Variants in ZNF680 observed in about 807,000 individuals in gnomAD.
The protein encoded by ZNF680 is zinc finger protein 680.
In ZNF680, 6 loss-of-function variants were observed where a neutral mutation model predicts 12.1. The observed-to-expected ratio is 0.49, with a 90% CI of 0.27 to 0.98. The LOEUF (loss-of-function observed/expected upper bound fraction) is 0.98, where lower values mean the gene tolerates loss of function less well. ZNF680 is among the 50% of genes least tolerant of loss of function. The pLI, the probability that ZNF680 is intolerant of heterozygous loss-of-function variation, is 0.12. For missense variants in ZNF680, 561 were observed against 616.3 expected, an observed-to-expected ratio of 0.91 and a Z score of 0.95; for synonymous variants, 170 against 199.3, an observed-to-expected ratio of 0.85 and a Z score of 1.24.
Position 64,519,917 on chromosome 7 carries a change from TATAC to T in ZNF680, c.*1240_*1243del, listed in dbSNP as rs1383809603. On this transcript the variant is annotated 3_prime_UTR_variant, in exon 4 of 4. Coordinates refer to ENST00000309683, the MANE Select transcript of ZNF680 (RefSeq NM_178558.5). ...AAATGTTTAATTATAAAATTAAGCT[TATAC>T]ATAATCTAAAAATTTTCAAATGTAC... 2.6e-5 allele frequency: 4 copies of T among 151,862 alleles called. No homozygotes were observed. The highest frequency in any genetic ancestry group is 5.9e-5 in the Non-Finnish European group (4 of 67,764). The allele number at this position is 151,862 out of a possible 1,614,324, so 9.4% of individuals were successfully genotyped here.
At chr7:64,531,489 CG>C (rs976359040) in intron 3 of ZNF680, among the ~76,000 whole-genome samples, 4 of 148,268 alleles carry the variant, frequency 2.7e-5, no homozygotes, top group Admixed American at 6.9e-5. Flanking sequence ...CCCAGCTACT[CG>C]GGTGGTTGAG....
At chr7:64,536,411 A>G (rs112846858) in intron 3 of ZNF680, among the ~76,000 whole-genome samples, 3,903 of 152,314 alleles carry the variant, frequency 0.026, 102 homozygotes, top group African/African-American at 0.056. Context: ...GGCAAAGAGT[A>G]ACTGGACATA....
At chr7:64,500,816 T>C in the ZNF680 span, 1 of 386,348 alleles carries the variant, frequency 2.6e-6, no homozygotes, top group Non-Finnish European at 5.2e-6. Context: ...GGGAACCTTA[T>C]CAAACACAAT....
chr7:64,509,021 CATGTAAATA>C, the ZNF680 span, among the ~76,000 whole-genome samples: 1 of 152,134 alleles, frequency 6.6e-6, no homozygotes, highest in Non-Finnish European at 1.5e-5. Flanking sequence ...AAGGTCACCT[CATGTAAATA>C]CCCTCCCCCT....
At chr7:64,531,813 A>G (rs1001936494) in intron 3 of ZNF680, among the ~76,000 whole-genome samples, 1 of 152,170 alleles carries the variant, frequency 6.6e-6, no homozygotes, top group Non-Finnish European at 1.5e-5. Context: ...GAAAGTTCAT[A>G]GCCCTAAATG....
intron 3 of ZNF680, among the ~76,000 whole-genome samples, chr7:64,542,221 G>C (rs576123130): frequency 6.9e-6 from 1 of 145,618 alleles, no homozygotes; most frequent in Middle Eastern, 3.5e-3. Flanking sequence ...CCATCACCCT[G>C]AGAACCCAAC....
chr7:64,526,414 G>A, intron 3 of ZNF680: 3 of 1,488,232 alleles, frequency 2.0e-6, no homozygotes, highest in Non-Finnish European at 1.8e-6. Flanking sequence ...TAGTAGCCTG[G>A]CAAAGTGGAT....
At chr7:64,530,182 T>C (rs6954460) in intron 3 of ZNF680, among the ~76,000 whole-genome samples, 34,347 of 152,118 alleles carry the variant, frequency 0.23, 4,073 homozygotes, top group South Asian at 0.28. Context: ...TTTGGAAATA[T>C]ACCAAAACAG....
At chr7:64,560,105 T>C (rs1243507757) in intron 1 of ZNF680, among the ~76,000 whole-genome samples, 2 of 136,062 alleles carry the variant, frequency 1.5e-5, no homozygotes, top group Admixed American at 8.1e-5. Flanking sequence ...ATGTATTCAT[T>C]TTCTTTTCTG....
chr7:64,512,104 A>C, the ZNF680 span, among the ~76,000 whole-genome samples: 1 of 151,588 alleles, frequency 6.6e-6, no homozygotes, highest in East Asian at 1.9e-4. Context: ...CAAGCCATAA[A>C]TATATTTTAA....
intron 3 of ZNF680, among the ~76,000 whole-genome samples, chr7:64,527,996 G>A (rs1791960063): frequency 2.6e-5 from 4 of 152,210 alleles, no homozygotes; most frequent in African/African-American, 9.6e-5. Flanking sequence ...AACTGCAGAA[G>A]TGGAAAAGGG....
the ZNF680 span, among the ~76,000 whole-genome samples, chr7:64,509,411 G>C: frequency 6.6e-6 from 1 of 152,048 alleles, no homozygotes; most frequent in African/African-American, 2.4e-5. Flanking sequence ...CTTCAATACT[G>C]TCCCCAACAA....
At chr7:64,526,055 A>C in intron 3 of ZNF680, 6 of 971,144 alleles carry the variant, frequency 6.2e-6, no homozygotes, top group Non-Finnish European at 7.3e-6. Context: ...AAAACAATTA[A>C]CTCATGTGAG....
At chr7:64,545,295 T>G (rs988916366) in intron 1 of ZNF680, among the ~76,000 whole-genome samples, 4 of 130,762 alleles carry the variant, frequency 3.1e-5, no homozygotes, top group Non-Finnish European at 6.6e-5. Context: ...AAAAAAAAGA[T>G]CCTGTGTTTT....
chr7:64,527,013 C>T (rs1460691508), intron 3 of ZNF680, among the ~76,000 whole-genome samples: 4 of 151,806 alleles, frequency 2.6e-5, no homozygotes, highest in Non-Finnish European at 5.9e-5. Context: ...CGAGGTGGGC[C>T]GATCACCTGA....
Position 64,521,954 on chromosome 7 carries a change from T to A in ZNF680, c.800A>T (p.Lys267Ile). ...KKIHIEEKPF[K>I]CEECGKAFSL... ...AAAGGCTTTGCCACATTCTTCACAT[T>A]TGAAGGGTTTCTCTTCAATATGAAT... is the stretch of plus-strand genomic sequence containing the variant. Residue 267 changes from lysine (K) to isoleucine (I), a missense_variant, in exon 4 of 4, where the codon AAA becomes ATA. Transcript: ENST00000309683. The A allele has an allele frequency of 6.2e-7, 1 of 1,612,936 alleles. No homozygotes were observed. Among genetic ancestry groups the A allele is most frequent in the Non-Finnish European group, 8.5e-7 (1 of 1,179,542 alleles).
chr7:64,536,630 G>C (rs1786183536), intron 3 of ZNF680, among the ~76,000 whole-genome samples: 1 of 152,158 alleles, frequency 6.6e-6, no homozygotes, highest in African/African-American at 2.4e-5. Flanking sequence ...ATGAGGTCTG[G>C]AGAACACGGA....
At chr7:64,549,692 A>AC (rs1475765744) in intron 1 of ZNF680, among the ~76,000 whole-genome samples, 1 of 151,746 alleles carries the variant, frequency 6.6e-6, no homozygotes, top group Non-Finnish European at 1.5e-5. Context: ...AAAAAAAAAA[A>AC]CTGAGACACT....
chr7:64,543,632 A>G (rs983869947), intron 3 of ZNF680, 75 bp downstream of exon 3: 8 of 1,302,466 alleles, frequency 6.1e-6, no homozygotes, highest in Admixed American at 2.1e-5. Context: ...ATCCCATGTC[A>G]AGAACTGACT....
Sources: gnomAD v4.1 joint callset for allele counts (sites outside exome capture counted in the v4.1 genomes callset) on GRCh38, gnomAD v4.1.1 for gene constraint, MANE v1.5 for transcripts, NCBI Gene and HGNC (gene_info 2026-07-23, HGNC 2026-07-21) for gene names.